Variants in P2RX7 observed in about 807,000 individuals in gnomAD.
The protein encoded by P2RX7 is P2X purinoceptor 7.
In P2RX7, 62 loss-of-function variants were observed where a neutral mutation model predicts 71.6. The ratio of observed to expected loss-of-function variants is 0.87; its 90% confidence interval spans 0.71 to 1.07. The LOEUF (loss-of-function observed/expected upper bound fraction) is 1.07. Ranked by LOEUF, P2RX7 falls within the 50% of genes least tolerant of loss-of-function variation. The probability of loss-of-function intolerance (pLI) is 0.00; values close to 1 mark genes in which losing one functional copy is unlikely to be tolerated. For missense variants in P2RX7, 686 were observed against 748.5 expected, an observed-to-expected ratio of 0.92 and a Z score of 0.97; for synonymous variants, 299 against 283.3, an observed-to-expected ratio of 1.06 and a Z score of -0.56.
intron 9 of P2RX7, 137 bp from the exon 10 acceptor site, chr12:121,177,010 C>T (rs576096754): frequency 2.7e-4 from 198 of 720,958 alleles, no homozygotes; most frequent in Non-Finnish European, 4.6e-4. Context: ...TAGTCTCTGC[C>T]TCAGCCAGCA....
chr12:121,167,232 G>GCA (rs1307377079), intron 7 of P2RX7, among the ~76,000 whole-genome samples: 1 of 151,942 alleles, frequency 6.6e-6, no homozygotes, highest in African/African-American at 2.4e-5. Flanking sequence ...GTACAGGAGT[G>GCA]GTCTGTTGAA....
chr12:121,140,574 A>G (rs368370409), intron 1 of P2RX7, among the ~76,000 whole-genome samples: 2 of 152,210 alleles, frequency 1.3e-5, no homozygotes, highest in South Asian at 2.1e-4. Flanking sequence ...GGCAGAAATG[A>G]TAGATTTGCT....
intron 12 of P2RX7, among the ~76,000 whole-genome samples, chr12:121,181,458 G>A (rs141459932): frequency 2.6e-5 from 4 of 152,206 alleles, no homozygotes; most frequent in Admixed American, 1.3e-4. Flanking sequence ...ACTAACAAAC[G>A]GTGCTGAAAA....
rs76972263 is a variant in P2RX7 at position 121,143,081 on chromosome 12, C to CA, written c.125+10000dup. Among the ~76,000 whole-genome samples the CA allele has an allele frequency of 7.9e-3, 977 of 123,408 alleles. 15 individuals are homozygous for CA. Among genetic ancestry groups the CA allele is most frequent in the African/African-American group, 0.023 (776 of 33,506 alleles). 81.0% of individuals were successfully genotyped at this position (123,408 alleles called of 152,430 possible). ...TGGGGGACAGAGTGAGACTTCATCT[C>CA]AAAAAAAAAAAAAAGATGACTGGGC... On this transcript the variant is annotated intron_variant, in intron 1 of 12. Coordinates refer to ENST00000328963, the MANE Select transcript of P2RX7 (RefSeq NM_002562.6).
intron 1 of P2RX7, among the ~76,000 whole-genome samples, chr12:121,147,773 A>C (rs2136015181): frequency 6.6e-6 from 1 of 152,096 alleles, no homozygotes; most frequent in Admixed American, 6.5e-5. Context: ...CACCACGCCC[A>C]GCTAATTTTT....
rs763654429 is a variant in P2RX7, at chr12:121,166,180, C to A, written c.737C>A (p.Ala246Glu). The change falls in exon 7 of 13, where the codon GCA becomes GAA. Residue 246 changes from alanine (A) to glutamate (E), a missense_variant. Coordinates refer to ENST00000328963, the MANE Select transcript of P2RX7 (RefSeq NM_002562.6). ...RETGDNFSDV[A>E]IQGGIMGIEI... is the part of the protein sequence containing the mutation. ...ACAGGCGATAATTTTTCAGATGTGG[C>A]AATTCAGGTTGGTGGTGCTTTGTAC... 1 of 1,613,038 alleles carries A rather than the reference C, an allele frequency of 6.2e-7. No homozygotes were observed.
intron 1 of P2RX7, among the ~76,000 whole-genome samples, chr12:121,138,093 TG>T: frequency 6.6e-6 from 1 of 152,338 alleles, no homozygotes; most frequent in East Asian, 1.9e-4. Context: ...CAGGATCGTT[TG>T]GGCAGTAAGT....
intron 8 of P2RX7, among the ~76,000 whole-genome samples, chr12:121,170,170 G>T (rs1269023500): frequency 6.6e-6 from 1 of 152,114 alleles, no homozygotes; most frequent in East Asian, 1.9e-4. Flanking sequence ...ATAACTTTTT[G>T]ATCATCCCCT....
At chr12:121,174,709 C>T (rs1882784962) in intron 8 of P2RX7, among the ~76,000 whole-genome samples, 3 of 152,088 alleles carry the variant, frequency 2.0e-5, no homozygotes, top group Admixed American at 2.0e-4. Context: ...CAAACCTCTT[C>T]TTCCCCCTTA....
rs146663875 is a variant in P2RX7 at position 121,133,672 on chromosome 12, T to C, written c.125+577T>C. Among the ~76,000 whole-genome samples the C allele has an allele frequency of 2.7e-4, 41 of 152,322 alleles. No homozygotes were observed. The East Asian group carries it at 7.5e-3, about 28-fold the overall frequency. Reference sequence around the variant, plus strand: ...GTGCAACCATCCCCACAATCAATTTTAGAATATTTTAATCGACTCAAAAGG... The same window carrying C: ...GTGCAACCATCCCCACAATCAATTTCAGAATATTTTAATCGACTCAAAAGG... On this transcript the variant is annotated intron_variant, in intron 1 of 12. Coordinates refer to ENST00000328963, the MANE Select transcript of P2RX7 (RefSeq NM_002562.6).
chr12:121,143,507 T>C (rs1875456950), intron 1 of P2RX7, among the ~76,000 whole-genome samples: 2 of 151,868 alleles, frequency 1.3e-5, no homozygotes, highest in African/African-American at 4.8e-5. Flanking sequence ...TGAGCTGTGT[T>C]TGTGCCACTG....
chr12:121,157,545 C>T (rs1450243028), intron 3 of P2RX7, among the ~76,000 whole-genome samples: 3 of 152,312 alleles, frequency 2.0e-5, no homozygotes, highest in Non-Finnish European at 2.9e-5. Context: ...AGCAGTGTTC[C>T]GTCTCCAATC....
chr12:121,167,698 G>C, intron 8 of P2RX7, 74 bp downstream of exon 8: 1 of 1,328,440 alleles, frequency 7.5e-7, no homozygotes, highest in Non-Finnish European at 1.0e-6. Context: ...ACTAATTTTG[G>C]TTTCCAAGGC....
At chr12:121,174,613 TAC>T (rs1399715528) in intron 8 of P2RX7, among the ~76,000 whole-genome samples, 1 of 152,064 alleles carries the variant, frequency 6.6e-6, no homozygotes, top group Non-Finnish European at 1.5e-5. Context: ...TCTAAGAAAA[TAC>T]AGTTTGCTGA....
At chr12:121,179,102 G>A (rs568078309) in intron 11 of P2RX7, among the ~76,000 whole-genome samples, 4 of 152,150 alleles carry the variant, frequency 2.6e-5, no homozygotes, top group Non-Finnish European at 4.4e-5. Flanking sequence ...AGATTTTAGC[G>A]TCATCTGTAT....
At chr12:121,179,677 T>C (rs1883789679) in intron 11 of P2RX7, among the ~76,000 whole-genome samples, 1 of 152,174 alleles carries the variant, frequency 6.6e-6, no homozygotes, top group African/African-American at 2.4e-5. Flanking sequence ...CAAGATGAGA[T>C]GAAATTTAAC....
chr12:121,176,691 G>A (rs1373985621), intron 9 of P2RX7, among the ~76,000 whole-genome samples: 2 of 148,796 alleles, frequency 1.3e-5, no homozygotes, highest in African/African-American at 5.0e-5. Flanking sequence ...GGCGGAGCTT[G>A]CAGTGAGCCG....
At chr12:121,151,035 C>T (rs912502745) in intron 1 of P2RX7, among the ~76,000 whole-genome samples, 1 of 152,142 alleles carries the variant, frequency 6.6e-6, no homozygotes, top group Non-Finnish European at 1.5e-5. Flanking sequence ...GCAAACTCAT[C>T]CTTCATCCCA....
rs536176619 is a variant in P2RX7, at chr12:121,150,862, T to C, written c.126-3923T>C. ...AGGCGGAGGTTGCAGTAAGCTGAGA[T>C]CGCGCCATTGCACTCCAGCCTTGGC... On this transcript the variant is annotated intron_variant, in intron 1 of 12. Coordinates refer to ENST00000328963, the MANE Select transcript of P2RX7 (RefSeq NM_002562.6). 3.3e-5 allele frequency among the ~76,000 whole-genome samples: 5 copies of C among 152,106 alleles called. No individual in the cohort carries two copies. The South Asian group carries it at 6.2e-4, about 19-fold the overall frequency.
Sources: allele counts gnomAD v4.1 joint callset (sites outside exome capture counted in the v4.1 genomes callset), GRCh38; gene constraint gnomAD v4.1.1; transcripts MANE v1.5; gene names NCBI Gene and HGNC (gene_info 2026-07-23, HGNC 2026-07-21).